TRPS1: variants seen among roughly 807,000 people sequenced by gnomAD.
TRPS1 encodes transcriptional repressor GATA binding 1.
A neutral mutation model predicts 101.2 loss-of-function variants in TRPS1; 6 were observed. The observed-to-expected ratio is 0.06, with a 90% CI of 0.03 to 0.12. The LOEUF is 0.12. Among genes scored for constraint, TRPS1 ranks in the 10% least tolerant of loss-of-function variants. The pLI, the probability that TRPS1 is intolerant of heterozygous loss-of-function variation, is 1.00. For synonymous variants in TRPS1, 578 were observed against 589.8 expected (o/e 0.98, Z 0.29); for missense variants, 1,363 against 1,567.0 (o/e 0.87, Z 2.20).
chr8:115,433,048 TACA>T (rs1221033873), intron 5 of TRPS1, among the ~76,000 whole-genome samples: 2 of 152,062 alleles, frequency 1.3e-5, no homozygotes, highest in African/African-American at 2.4e-5. Flanking sequence ...ACTCAAGTAT[TACA>T]AACATTTGTG....
At chr8:115,600,365 G>T (rs1353589098) in intron 4 of TRPS1, among the ~76,000 whole-genome samples, 1 of 152,110 alleles carries the variant, frequency 6.6e-6, no homozygotes, top group African/African-American at 2.4e-5. Context: ...AGATTTATCT[G>T]CATCTATCAA....
At chr8:115,428,382 A>G (rs1484117047) in intron 5 of TRPS1, among the ~76,000 whole-genome samples, 1 of 152,188 alleles carries the variant, frequency 6.6e-6, no homozygotes, top group Non-Finnish European at 1.5e-5. Flanking sequence ...GCATTTCATC[A>G]CAGAAGAGTA....
intron 5 of TRPS1, among the ~76,000 whole-genome samples, chr8:115,450,007 G>GA (rs1477196139): frequency 7.4e-6 from 1 of 134,366 alleles, no homozygotes; most frequent in African/African-American, 3.0e-5. Context: ...ACACACAGAG[G>GA]AAAATACTTG....
chr8:115,526,034 G>A (rs921964034), intron 5 of TRPS1, among the ~76,000 whole-genome samples: 4 of 152,074 alleles, frequency 2.6e-5, no homozygotes, highest in African/African-American at 7.2e-5. Context: ...TGGGAAGAAG[G>A]GCAGAACACA....
intron 1 of TRPS1, among the ~76,000 whole-genome samples, chr8:115,630,781 C>A (rs144121732): frequency 1.3e-5 from 2 of 152,014 alleles, no homozygotes; most frequent in South Asian, 4.1e-4. Context: ...GAAGTTAAAT[C>A]GCTTGTCTAG....
rs1817586342 is a variant in TRPS1, at chr8:115,587,340, G to A, written c.2361C>T (p.Asp787=). Residue 787 remains aspartate (D), a synonymous_variant, in exon 5 of 7, where the codon GAC becomes GAT. Transcript: ENST00000395715. ...CGGTCCAAACTTTCTCTTTGAGCCC[G>A]TCCTTCTCTTCCAGCTTCTCTCTCT... The part of the protein sequence containing the change: ...VVKREKLEEK[D]GLKEKVWTES... 6.2e-7 allele frequency: 1 copy of A among 1,614,174 alleles called. No individual in the cohort carries two copies. The highest frequency in any genetic ancestry group is 8.5e-7 in the Non-Finnish European group (1 of 1,180,032).
chr8:115,664,608 G>A (rs1170736430), intron 1 of TRPS1, among the ~76,000 whole-genome samples: 1 of 152,050 alleles, frequency 6.6e-6, no homozygotes, highest in Non-Finnish European at 1.5e-5. Flanking sequence ...GTTATCAATG[G>A]TATTAGCAGT....
In TRPS1 at chr8:115,413,961, C is replaced by T. The variant is rs1351019518; in HGVS notation, c.*62G>A. On this transcript the variant is annotated 3_prime_UTR_variant, in exon 7 of 7. Transcript: ENST00000395715. ...TTTAATAGGTCTTCATAAGACATTA[C>T]AAGCTATTGAATTCCCATCAAGAAA... 1.2e-5 allele frequency: 19 copies of T among 1,532,246 alleles called. No homozygotes were observed. The highest frequency in any genetic ancestry group is 1.6e-5 in the Non-Finnish European group (18 of 1,117,230). The allele number at this position is 1,532,246 out of a possible 1,614,324, so 94.9% of individuals were successfully genotyped here. A position where few individuals can be genotyped will look rare whatever the true frequency, so the allele number is the denominator to read the frequency against.
rs1586248856 is a variant in TRPS1 at position 115,413,924 on chromosome 8, A to G, written c.*99T>C. On this transcript the variant is annotated 3_prime_UTR_variant, in exon 7 of 7. Transcript: ENST00000395715. Reference sequence around the variant, plus strand: ...TTTCATGTTGGATAAGGCAGGCTCTATGAAGTATTTTTTTAATAGGTCTTC... The same window carrying G: ...TTTCATGTTGGATAAGGCAGGCTCTGTGAAGTATTTTTTTAATAGGTCTTC... The G allele has an allele frequency of 4.9e-6, 6 of 1,216,566 alleles. No homozygotes were observed. The East Asian group carries it at 1.2e-4, about 24-fold the overall frequency. 75.4% of individuals were successfully genotyped at this position (1,216,566 alleles called of 1,614,324 possible). A position where few individuals can be genotyped will look rare whatever the true frequency, so the allele number is the denominator to read the frequency against.
intron 5 of TRPS1, among the ~76,000 whole-genome samples, chr8:115,533,434 C>CTGTTTTTTTTTTTTT (rs1816186875): frequency 9.3e-5 from 3 of 32,348 alleles, no homozygotes; most frequent in Non-Finnish European, 1.2e-4. Flanking sequence ...CACATGTAAT[C>CTGTTTTTTTTTTTTT]TGTTTTTTTT....
chr8:115,482,023 A>G (rs901760308), intron 5 of TRPS1, among the ~76,000 whole-genome samples: 2 of 152,164 alleles, frequency 1.3e-5, no homozygotes, highest in Non-Finnish European at 2.9e-5. Flanking sequence ...CTAAGGAAGT[A>G]CAGAGGAGGA....
At chr8:115,492,857 T>G (rs800882) in intron 5 of TRPS1, among the ~76,000 whole-genome samples, 72,330 of 151,490 alleles carry the variant, frequency 0.48, 18,576 homozygotes, top group African/African-American at 0.66. Flanking sequence ...GAGACTACAG[T>G]AGTGTGCCAC....
At chr8:115,595,862 T>C (rs1247815413) in intron 4 of TRPS1, among the ~76,000 whole-genome samples, 1 of 151,696 alleles carries the variant, frequency 6.6e-6, no homozygotes, top group Non-Finnish European at 1.5e-5. Context: ...TTTGTGAGGT[T>C]TTATTTGTTT....
chr8:115,653,159 T>C (rs1479560930), intron 1 of TRPS1, among the ~76,000 whole-genome samples: 1 of 152,162 alleles, frequency 6.6e-6, no homozygotes, highest in Non-Finnish European at 1.5e-5. Context: ...GAAAACGAGA[T>C]ATTTTACATA....
Position 115,498,499 on chromosome 8 carries a change from C to A in TRPS1, c.2701-80047G>T, listed in dbSNP as rs1203922851. On this transcript the variant is annotated intron_variant, in intron 5 of 6. Transcript: ENST00000395715. ...TAGGAATATTTCCAACAAAAACACA[C>A]AAGTTTGTTGTTGTCATTTTCAGTT... 2.8e-5 allele frequency among the ~76,000 whole-genome samples: 4 copies of A among 145,054 alleles called. No homozygotes were observed. The East Asian group carries it at 6.2e-4, about 23-fold the overall frequency.
chr8:115,652,462 T>C (rs2130612346), intron 1 of TRPS1, among the ~76,000 whole-genome samples: 1 of 152,298 alleles, frequency 6.6e-6, no homozygotes, highest in African/African-American at 2.4e-5. Flanking sequence ...TTAATAAATC[T>C]CAACAAGCAA....
intron 1 of TRPS1, among the ~76,000 whole-genome samples, chr8:115,660,428 G>T (rs1811766066): frequency 6.6e-6 from 1 of 151,650 alleles, no homozygotes. Flanking sequence ...TTCATTCCTG[G>T]TTACTATAAT....
chr8:115,543,993 T>G (rs1258672041), intron 5 of TRPS1, among the ~76,000 whole-genome samples: 2 of 152,068 alleles, frequency 1.3e-5, no homozygotes, highest in Non-Finnish European at 2.9e-5. Flanking sequence ...CTGTTACTTG[T>G]AATTCATCAA....
chr8:115,536,514 C>T (rs1385507725), intron 5 of TRPS1, among the ~76,000 whole-genome samples: 1 of 124,130 alleles, frequency 8.1e-6, no homozygotes, highest in East Asian at 2.5e-4. Flanking sequence ...CAGAGGGAGA[C>T]TCCGTCTCAA....
Sources: allele counts gnomAD v4.1 joint callset (sites outside exome capture counted in the v4.1 genomes callset), GRCh38; gene constraint gnomAD v4.1.1; transcripts MANE v1.5; gene names NCBI Gene and HGNC (gene_info 2026-07-23, HGNC 2026-07-21).